The following DLGAP1 variants were observed in gnomAD, a reference collection of about 807,000 sequenced individuals.
DLGAP1 encodes disks large-associated protein 1.
DLGAP1 carries 11 observed loss-of-function variants against 90.8 expected under a neutral mutation model. That is an observed-to-expected ratio of 0.12 (90% CI 0.08 to 0.20). The LOEUF is 0.20. Among genes scored for constraint, DLGAP1 ranks in the 10% least tolerant of loss-of-function variants. The probability of loss-of-function intolerance (pLI) is 1.00; values close to 1 mark genes in which losing one functional copy is unlikely to be tolerated. For synonymous variants in DLGAP1, 558 were observed against 540.7 expected, an observed-to-expected ratio of 1.03 and a Z score of -0.44; for missense variants, 1,050 against 1,333.8, an observed-to-expected ratio of 0.79 and a Z score of 3.31.
In DLGAP1 at chr18:3,711,303, T is replaced by G. The variant is rs1889794339; in HGVS notation, c.1591+17832A>C. ...TGTAATGACTCCAGTGATCAATGCT[T>G]TCATCATGCAAGTGAATCAGATCAT... On this transcript the variant is annotated intron_variant, in intron 7 of 12. Transcript: ENST00000315677. This position sits in a 1 kb window ranked among gnomAD's most constrained non-coding sequence, Gnocchi z 4.0. 6.6e-6 allele frequency among the ~76,000 whole-genome samples: 1 copy of G among 152,222 alleles called. No homozygotes were observed. Among genetic ancestry groups the G allele is most frequent in the African/African-American group, 2.4e-5 (1 of 41,458 alleles).
chr18:3,564,130 T>G (rs947071187), intron 9 of DLGAP1, among the ~76,000 whole-genome samples: 2 of 152,196 alleles, frequency 1.3e-5, no homozygotes, highest in Non-Finnish European at 2.9e-5. Context: ...TGCCTCGTAA[T>G]TTTTTGAAAA....
chr18:3,871,505 G>C (rs2070746786), intron 4 of DLGAP1, among the ~76,000 whole-genome samples: 1 of 152,090 alleles, frequency 6.6e-6, no homozygotes, highest in Admixed American at 6.5e-5. Context: ...ATATTAAATT[G>C]TGGTTAAAAA....
Position 4,320,368 on chromosome 18 carries a change from T to C in DLGAP1, c.-267+134638A>G, listed in dbSNP as rs1820307522. Among the ~76,000 whole-genome samples, 6 of 152,330 alleles carry C rather than the reference T, an allele frequency of 3.9e-5. No homozygotes were observed. The South Asian group carries it at 1.2e-3, about 32-fold the overall frequency. ...AATTGGAGTTACTTTTTAAAGTTAT[T>C]TGAATTAAATATATTTATTTTTTAT... On this transcript the variant is annotated intron_variant, in intron 1 of 12. Coordinates refer to ENST00000315677, the MANE Select transcript of DLGAP1 (RefSeq NM_004746.4).
chr18:3,640,828 T>C (rs1251142974), intron 7 of DLGAP1, among the ~76,000 whole-genome samples: 3 of 152,236 alleles, frequency 2.0e-5, no homozygotes, highest in African/African-American at 7.2e-5. Context: ...ACTATCACCA[T>C]TTATTGAGTG....
At chr18:3,898,248 A>G (rs1229933411) in intron 3 of DLGAP1, among the ~76,000 whole-genome samples, 1 of 152,106 alleles carries the variant, frequency 6.6e-6, no homozygotes, top group East Asian at 1.9e-4. Flanking sequence ...ATTCTACAGC[A>G]TTTTTGATTT....
chr18:3,959,333 A>G (rs1276649793), intron 3 of DLGAP1, among the ~76,000 whole-genome samples: 1 of 152,116 alleles, frequency 6.6e-6, no homozygotes, highest in Non-Finnish European at 1.5e-5. Context: ...CTTCAAACCT[A>G]TTAGACTTTC....
chr18:3,836,848 C>T (rs900840661), intron 4 of DLGAP1, among the ~76,000 whole-genome samples: 1 of 152,182 alleles, frequency 6.6e-6, no homozygotes, highest in Non-Finnish European at 1.5e-5. Flanking sequence ...TGGTCCCCTG[C>T]GAAGAGCAGG....
intron 3 of DLGAP1, among the ~76,000 whole-genome samples, chr18:3,933,114 T>C (rs967473517): frequency 1.3e-5 from 2 of 152,190 alleles, no homozygotes; most frequent in African/African-American, 4.8e-5. Context: ...GCATTGCACT[T>C]GGGAATTCAT....
At chr18:4,362,702 T>C (rs980766024) in intron 1 of DLGAP1, among the ~76,000 whole-genome samples, 1 of 152,188 alleles carries the variant, frequency 6.6e-6, no homozygotes. Context: ...ACCATTGAAC[T>C]GTAAATGGTA....
At chr18:4,008,787 C>G (rs2074357044) in intron 2 of DLGAP1, among the ~76,000 whole-genome samples, 1 of 152,098 alleles carries the variant, frequency 6.6e-6, no homozygotes, top group East Asian at 1.9e-4. Flanking sequence ...ACTTTTCTGA[C>G]TTTTAAACCA....
intron 3 of DLGAP1, among the ~76,000 whole-genome samples, chr18:3,943,170 T>C (rs2072805475): frequency 6.6e-6 from 1 of 152,184 alleles, no homozygotes; most frequent in Non-Finnish European, 1.5e-5. Context: ...CAACTTCACC[T>C]GCTCTTATTG....
intron 7 of DLGAP1, among the ~76,000 whole-genome samples, chr18:3,637,470 A>C (rs1425214206): frequency 6.6e-6 from 1 of 151,420 alleles, no homozygotes; most frequent in Non-Finnish European, 1.5e-5. Flanking sequence ...GCAGTGCCTC[A>C]CAACTGTAAT....
intron 7 of DLGAP1, among the ~76,000 whole-genome samples, chr18:3,601,620 A>G (rs1173313139): frequency 6.6e-6 from 1 of 151,800 alleles, no homozygotes; most frequent in Non-Finnish European, 1.5e-5. Flanking sequence ...AGGTGGGCCA[A>G]TCGTTTGAGG....
rs1028493749 is a variant in DLGAP1, at chr18:3,628,308, G to A, written c.1592-46060C>T. Among the ~76,000 whole-genome samples, 5 of 150,248 alleles carry A rather than the reference G, an allele frequency of 3.3e-5. No individual in the cohort carries two copies. In the East Asian group the frequency reaches 9.8e-4, roughly 30 times the overall value. ...GGGTTCGAGCGATTCTCCTATTTCA[G>A]CCTCCCAAGTAGGTGGGATTATAGC... On this transcript the variant is annotated intron_variant, in intron 7 of 12. Coordinates refer to ENST00000315677, the MANE Select transcript of DLGAP1 (RefSeq NM_004746.4).
intron 3 of DLGAP1, among the ~76,000 whole-genome samples, chr18:3,916,597 A>G (rs186875072): frequency 2.0e-5 from 3 of 152,328 alleles, no homozygotes; most frequent in Non-Finnish European, 4.4e-5. Context: ...CATCAGTATC[A>G]TTATAAACAA....
chr18:4,333,427 T>C (rs964662451), intron 1 of DLGAP1, among the ~76,000 whole-genome samples: 3 of 151,742 alleles, frequency 2.0e-5, no homozygotes, highest in African/African-American at 7.3e-5. Flanking sequence ...TACAACTGTC[T>C]CAGTGGCCAA....
intron 10 of DLGAP1, among the ~76,000 whole-genome samples, chr18:3,518,988 A>G (rs1218054903): frequency 6.6e-6 from 1 of 152,134 alleles, no homozygotes; most frequent in Non-Finnish European, 1.5e-5. Context: ...TTTTTTTATG[A>G]GTATAAGAAA....
intron 2 of DLGAP1, among the ~76,000 whole-genome samples, chr18:4,007,040 A>G (rs2074316063): frequency 6.6e-6 from 1 of 152,194 alleles, no homozygotes; most frequent in South Asian, 2.1e-4. Flanking sequence ...TGTAGTGAGG[A>G]GTGAATGGGA....
At chr18:4,274,221 T>C (rs376330860) in intron 1 of DLGAP1, among the ~76,000 whole-genome samples, 1 of 152,150 alleles carries the variant, frequency 6.6e-6, no homozygotes, top group African/African-American at 2.4e-5. Context: ...TCATTTTCAG[T>C]CATCTCAAAG....
Sources: allele counts gnomAD v4.1 joint callset (sites outside exome capture counted in the v4.1 genomes callset), GRCh38; gene constraint gnomAD v4.1.1; non-coding constraint Gnocchi (gnomAD v3.1); transcripts MANE v1.5; gene names NCBI Gene and HGNC (gene_info 2026-07-23, HGNC 2026-07-21).